Variants in COL6A5 observed in about 807,000 individuals in gnomAD.
The protein encoded by COL6A5 is collagen type VI alpha 5 chain.
Under a neutral mutation model 65.6 loss-of-function variants are expected in COL6A5, and 48 were observed. The ratio of observed to expected loss-of-function variants is 0.73; its 90% CI spans 0.58 to 0.93. The LOEUF is 0.93. Among genes scored for constraint, COL6A5 ranks in the 40% least tolerant of loss-of-function variants. The pLI, the probability that COL6A5 is intolerant of heterozygous loss-of-function variation, is 0.00. For synonymous variants in COL6A5, 291 were observed against 322.8 expected, an observed-to-expected ratio of 0.90 and a Z score of 1.05; for missense variants, 914 against 928.3, an observed-to-expected ratio of 0.98 and a Z score of 0.20.
At chr3:130,377,596 C>G (rs887250226) in intron 3 of COL6A5, among the ~76,000 whole-genome samples, 1 of 152,328 alleles carries the variant, frequency 6.6e-6, no homozygotes, top group South Asian at 2.1e-4. Flanking sequence ...TGTGTTGAGC[C>G]CTGCATCTGC....
At chr3:130,469,987 G>A (rs979950285) in intron 6 of COL6A5, among the ~76,000 whole-genome samples, 4 of 152,010 alleles carry the variant, frequency 2.6e-5, no homozygotes, top group African/African-American at 7.2e-5. Context: ...GTGTAATGGT[G>A]TAATAAATAA....
chr3:130,480,756 A>G (rs1710218039), intron 7 of COL6A5, among the ~76,000 whole-genome samples: 2 of 151,284 alleles, frequency 1.3e-5, no homozygotes, highest in Non-Finnish European at 2.9e-5. Context: ...AAATTTTTAA[A>G]GACAACTAGG....
At chr3:130,408,995 A>G (rs1937090609) in intron 17 of COL6A5, among the ~76,000 whole-genome samples, 1 of 152,216 alleles carries the variant, frequency 6.6e-6, no homozygotes, top group Non-Finnish European at 1.5e-5. Context: ...GGCATTGATT[A>G]CATTTTATGT....
chr3:130,436,893 C>T (rs998377017), intron 1 of COL6A5, among the ~76,000 whole-genome samples: 1 of 152,098 alleles, frequency 6.6e-6, no homozygotes, highest in Non-Finnish European at 1.5e-5. Context: ...TTTTAAATGT[C>T]CTCAATGATA....
In COL6A5 at chr3:130,484,102, G is replaced by T. The variant is rs1710318154; in HGVS notation, c.*61G>T. The T allele has an allele frequency of 3.2e-6, 5 of 1,566,042 alleles. No homozygotes were observed. The South Asian group carries it at 4.7e-5, about 15-fold the overall frequency. ...TCCACTGACATGTATAATCCCATGT[G>T]GTTCTAACCAGAATGTATAATCATC... On this transcript the variant is annotated 3_prime_UTR_variant, in exon 8 of 8. Transcript: ENST00000512836.
intron 8 of COL6A5, among the ~76,000 whole-genome samples, chr3:130,396,346 T>C (rs947388501): frequency 1.3e-5 from 2 of 152,226 alleles, no homozygotes; most frequent in African/African-American, 4.8e-5. Flanking sequence ...CCACATCTTA[T>C]ATGTCCCATT....
intron 3 of COL6A5, among the ~76,000 whole-genome samples, chr3:130,377,069 A>G (rs1935812199): frequency 6.6e-6 from 1 of 152,112 alleles, no homozygotes. Context: ...TCCTGTCATC[A>G]TTTAAATCTC....
rs1709045057 is a variant in COL6A5, at chr3:130,436,779, C to G, written c.488-2743C>G. Among the ~76,000 whole-genome samples, 4 of 152,216 alleles carry G rather than the reference C, an allele frequency of 2.6e-5. No homozygotes were observed. In the South Asian group the frequency reaches 6.2e-4, roughly 24 times the overall value. On this transcript the variant is annotated intron_variant, in intron 1 of 7. Transcript: ENST00000512836. Reference sequence around the variant, plus strand: ...TTCTCAGTCTAATTTTCTGATTCGGCTTCATCACCTTGGCCTCAGAATGTC... The same window carrying G: ...TTCTCAGTCTAATTTTCTGATTCGGGTTCATCACCTTGGCCTCAGAATGTC...
chr3:130,399,746 G>GAT (rs10549800), intron 10 of COL6A5, among the ~76,000 whole-genome samples: 6 of 149,216 alleles, frequency 4.0e-5, no homozygotes, highest in South Asian at 2.1e-4. Context: ...CCTGTAATGA[G>GAT]ATATATATAT....
rs867869160 is a variant in COL6A5 at position 130,355,130 on chromosome 3, T to C, written c.-29+9149T>C. 1.6e-3 allele frequency among the ~76,000 whole-genome samples: 249 copies of C among 152,174 alleles called. 1 individual carries two copies. The highest frequency in any genetic ancestry group is 5.8e-3 in the African/African-American group (241 of 41,552). Reference sequence around the variant, plus strand: ...TTTGCATTGTGTTTCTATCCAATAGTGCTGATGTGGGTTGCTTTGTATGGC... The same window carrying C: ...TTTGCATTGTGTTTCTATCCAATAGCGCTGATGTGGGTTGCTTTGTATGGC... On this transcript the variant is annotated intron_variant and NMD_transcript_variant, in intron 1 of 41. Transcript: ENST00000312481.
chr3:130,396,229 T>C (rs1194824309), intron 8 of COL6A5, among the ~76,000 whole-genome samples: 1 of 152,258 alleles, frequency 6.6e-6, no homozygotes, highest in African/African-American at 2.4e-5. Flanking sequence ...GATAACAGTT[T>C]GTGGAATTTG....
intron 4 of COL6A5, among the ~76,000 whole-genome samples, chr3:130,454,806 T>C (rs911913677): frequency 6.6e-6 from 1 of 152,162 alleles, no homozygotes; most frequent in Non-Finnish European, 1.5e-5. Flanking sequence ...AGATATAATA[T>C]GATTGTTCCA....
chr3:130,410,330 T>A, intron 19 of COL6A5, 141 bp from the exon 20 acceptor site: 1 of 681,728 alleles, frequency 1.5e-6, no homozygotes. Context: ...AAAGGGCATA[T>A]AACTGTTAAT....
chr3:130,376,077 A>G (rs936118185), intron 2 of COL6A5, among the ~76,000 whole-genome samples, 160 bp from the exon 3 acceptor site: 15 of 152,318 alleles, frequency 9.8e-5, no homozygotes, highest in Admixed American at 8.5e-4. Flanking sequence ...ACATTTTAGC[A>G]AAGGCAATTA....
intron 5 of COL6A5, among the ~76,000 whole-genome samples, chr3:130,461,243 C>T (rs1421251617): frequency 6.6e-6 from 1 of 151,710 alleles, no homozygotes; most frequent in African/African-American, 2.4e-5. Flanking sequence ...GTATTGAGTT[C>T]AGTTAAAAAA....
intron 6 of COL6A5, among the ~76,000 whole-genome samples, chr3:130,390,269 G>T (rs1936348733): frequency 6.6e-6 from 1 of 152,082 alleles, no homozygotes; most frequent in African/African-American, 2.4e-5. Context: ...GCATTAGATT[G>T]TCTCCTAAGT....
At chr3:130,420,457 T>G (rs1002688994) in intron 25 of COL6A5, among the ~76,000 whole-genome samples, 2 of 152,152 alleles carry the variant, frequency 1.3e-5, no homozygotes, top group African/African-American at 4.8e-5. Flanking sequence ...GCTTTCAGTT[T>G]TTCACTGTGG....
chr3:130,467,537 G>A (rs1290614192), intron 5 of COL6A5, among the ~76,000 whole-genome samples: 1 of 152,042 alleles, frequency 6.6e-6, no homozygotes, highest in East Asian at 1.9e-4. Flanking sequence ...TCACAAGGAT[G>A]TGAACACAGA....
intron 1 of COL6A5, among the ~76,000 whole-genome samples, chr3:130,348,686 A>T (rs1191787870): frequency 6.6e-6 from 1 of 152,226 alleles, no homozygotes; most frequent in Non-Finnish European, 1.5e-5. Flanking sequence ...TAGATCCTTG[A>T]GGAATCGCCA....
Sources: allele counts gnomAD v4.1 joint callset (sites outside exome capture counted in the v4.1 genomes callset), GRCh38; gene constraint gnomAD v4.1.1; transcripts MANE v1.5; gene names NCBI Gene and HGNC (gene_info 2026-07-23, HGNC 2026-07-21).